The following NRXN3 variants were observed in gnomAD, a reference collection of about 807,000 sequenced individuals.
The protein encoded by NRXN3 is neurexin 3, also known as neurexin III.
NRXN3 carries 32 observed loss-of-function variants against 137.6 expected under a neutral mutation model. That is an observed-to-expected ratio of 0.23 (90% CI 0.18 to 0.31). The LOEUF (loss-of-function observed/expected upper bound fraction) is 0.31, where lower values mean the gene tolerates loss of function less well. Ranked by LOEUF, NRXN3 falls within the 10% of genes least tolerant of loss-of-function variation. The pLI, the probability that NRXN3 is intolerant of heterozygous loss-of-function variation, is 1.00. For missense variants in NRXN3, 1,574 were observed against 2,062.5 expected, an observed-to-expected ratio of 0.76 and a Z score of 4.59; for synonymous variants, 798 against 784.5, an observed-to-expected ratio of 1.02 and a Z score of -0.29.
Position 79,154,812 on chromosome 14 carries a change from T to C in NRXN3, c.3262+166671T>C, listed in dbSNP as rs574140206. Among the ~76,000 whole-genome samples the C allele has an allele frequency of 1.1e-4, 17 of 152,092 alleles. No individual in the cohort carries two copies. In the South Asian group the frequency reaches 3.5e-3, roughly 32 times the overall value. On this transcript the variant is annotated intron_variant, in intron 15 of 20. Coordinates refer to ENST00000335750, the MANE Select transcript of NRXN3 (RefSeq NM_001330195.2). ...GATAGTCTTATGACTATTTTTATGG[T>C]AATGAAACGTAATCCAATGCAACTT...
At chr14:78,418,900 G>GA (rs2093294804) in intron 4 of NRXN3, among the ~76,000 whole-genome samples, 1 of 152,184 alleles carries the variant, frequency 6.6e-6, no homozygotes, top group Non-Finnish European at 1.5e-5. Context: ...GCCCAAGCTT[G>GA]GAGGAGCTGG....
At chr14:79,586,877 T>C (rs964457206) in intron 16 of NRXN3, among the ~76,000 whole-genome samples, 1 of 152,226 alleles carries the variant, frequency 6.6e-6, no homozygotes, top group Non-Finnish European at 1.5e-5. Context: ...CATGATTAAC[T>C]GGCATATACT....
At chr14:78,464,347 C>T (rs528178547) in intron 4 of NRXN3, among the ~76,000 whole-genome samples, 2 of 152,292 alleles carry the variant, frequency 1.3e-5, no homozygotes, top group South Asian at 2.1e-4. Flanking sequence ...TTAGCCACTG[C>T]GCCTAGCTGA....
At chr14:79,542,018 T>A (rs186795747) in intron 16 of NRXN3, among the ~76,000 whole-genome samples, 1 of 152,314 alleles carries the variant, frequency 6.6e-6, no homozygotes, top group African/African-American at 2.4e-5. Context: ...AGGATAAAGT[T>A]GTAAATGATA....
chr14:78,324,880 C>G (rs1216922748), intron 4 of NRXN3, among the ~76,000 whole-genome samples: 1 of 151,778 alleles, frequency 6.6e-6, no homozygotes, highest in Non-Finnish European at 1.5e-5. Flanking sequence ...GTGATAGGGT[C>G]AGGTGAGAAG....
chr14:78,413,724 C>T (rs1311583701), intron 4 of NRXN3, among the ~76,000 whole-genome samples: 1 of 152,176 alleles, frequency 6.6e-6, no homozygotes, highest in South Asian at 2.1e-4. Context: ...GCAGCCAACA[C>T]CTGCAGCAGT....
intron 15 of NRXN3, among the ~76,000 whole-genome samples, chr14:79,058,034 T>C (rs2099668226): frequency 6.6e-6 from 1 of 152,074 alleles, no homozygotes; most frequent in Non-Finnish European, 1.5e-5. Context: ...GTTAAAAATA[T>C]GAATCTTTGG....
intron 20 of NRXN3, among the ~76,000 whole-genome samples, chr14:79,857,837 G>A (rs975186088): frequency 1.3e-4 from 20 of 152,120 alleles, no homozygotes; most frequent in Non-Finnish European, 2.9e-4. Flanking sequence ...AGAGGGGTTA[G>A]GAAAGCTTCT....
chr14:79,615,439 C>A (rs1417823214), intron 16 of NRXN3, among the ~76,000 whole-genome samples: 3 of 152,084 alleles, frequency 2.0e-5, no homozygotes, highest in Non-Finnish European at 4.4e-5. Flanking sequence ...ATGATAATAA[C>A]CAGCTTTGAT....
chr14:78,650,776 G>A (rs1423387817), intron 5 of NRXN3, among the ~76,000 whole-genome samples: 2 of 152,116 alleles, frequency 1.3e-5, no homozygotes, highest in Non-Finnish European at 2.9e-5. Flanking sequence ...TGTCTTCTTT[G>A]CTGTTTTTCA....
intron 10 of NRXN3, among the ~76,000 whole-genome samples, chr14:78,817,245 A>C (rs974107675): frequency 1.3e-5 from 2 of 152,202 alleles, no homozygotes; most frequent in African/African-American, 2.4e-5. Flanking sequence ...TTCAACTCTT[A>C]GTTTCCTCAA....
Position 78,862,722 on chromosome 14 carries a change from C to T in NRXN3, c.2275+52378C>T, listed in dbSNP as rs533666514. On this transcript the variant is annotated intron_variant, in intron 10 of 20. Transcript: ENST00000335750. ...ACAAAAATAAATAAGACCACTCTGT[C>T]ATGAAAACATGTACAAAAAAGTAGA... Among the ~76,000 whole-genome samples, 6 of 152,102 alleles carry T rather than the reference C, an allele frequency of 3.9e-5. No homozygotes were observed. In the East Asian group the frequency reaches 1.2e-3, roughly 29 times the overall value.
intron 15 of NRXN3, among the ~76,000 whole-genome samples, chr14:79,425,503 A>G (rs541638576): frequency 6.8e-4 from 103 of 152,294 alleles, no homozygotes; most frequent in Non-Finnish European, 1.3e-3. Context: ...TCAGATTTAT[A>G]ATAAGAATCA....
intron 15 of NRXN3, among the ~76,000 whole-genome samples, chr14:79,336,378 C>A (rs528141858): frequency 6.6e-6 from 1 of 152,120 alleles, no homozygotes; most frequent in Non-Finnish European, 1.5e-5. Flanking sequence ...AAAAGAAAAC[C>A]GGGCACTGAG....
At chr14:79,702,424 T>TTGAC (rs2154032653) in intron 19 of NRXN3, among the ~76,000 whole-genome samples, 1 of 152,132 alleles carries the variant, frequency 6.6e-6, no homozygotes, top group African/African-American at 2.4e-5. Context: ...ATGGTGTGGC[T>TTGAC]TGACTGGATC....
At chr14:79,593,491 C>T (rs1184142510) in intron 16 of NRXN3, among the ~76,000 whole-genome samples, 3 of 151,754 alleles carry the variant, frequency 2.0e-5, no homozygotes, top group Non-Finnish European at 4.4e-5. Flanking sequence ...ATTAGCCGGG[C>T]GTGGTGGCGG....
At chr14:78,311,224 C>T (rs2077945801) in intron 4 of NRXN3, among the ~76,000 whole-genome samples, 1 of 152,130 alleles carries the variant, frequency 6.6e-6, no homozygotes, top group Non-Finnish European at 1.5e-5. Flanking sequence ...TTTTGTTCGT[C>T]TTGGTATATC....
chr14:79,619,748 A>G (rs1264388103), intron 16 of NRXN3, among the ~76,000 whole-genome samples: 2 of 152,076 alleles, frequency 1.3e-5, no homozygotes, highest in Admixed American at 1.3e-4. Context: ...TTCCTAAGAG[A>G]TACCAAATAC....
intron 6 of NRXN3, among the ~76,000 whole-genome samples, chr14:78,658,675 G>T (rs922091606): frequency 3.3e-5 from 5 of 152,190 alleles, no homozygotes; most frequent in African/African-American, 1.2e-4. Flanking sequence ...TAATCCAAAT[G>T]CACACTACTG....
Sources: gnomAD v4.1 joint callset for allele counts (sites outside exome capture counted in the v4.1 genomes callset) on GRCh38, gnomAD v4.1.1 for gene constraint, MANE v1.5 for transcripts, NCBI Gene and HGNC (gene_info 2026-07-23, HGNC 2026-07-21) for gene names.